GSAP: variants seen among roughly 807,000 people sequenced by gnomAD.
The protein encoded by GSAP is gamma-secretase activating protein.
In GSAP, 118 loss-of-function variants were observed where a neutral mutation model predicts 131.7. That is an observed-to-expected ratio of 0.90 (90% CI 0.77 to 1.04). The LOEUF (loss-of-function observed/expected upper bound fraction) is 1.04. GSAP is among the 50% of genes least tolerant of loss of function. GSAP has a pLI of 0.00. For synonymous variants in GSAP, 381 were observed against 363.4 expected, an observed-to-expected ratio of 1.05 and a Z score of -0.55; for missense variants, 1,019 against 1,013.2, an observed-to-expected ratio of 1.01 and a Z score of -0.08.
intron 19 of GSAP, among the ~76,000 whole-genome samples, chr7:77,338,829 TA>T (rs1158780393): frequency 6.6e-6 from 1 of 152,172 alleles, no homozygotes; most frequent in Non-Finnish European, 1.5e-5. Flanking sequence ...TGCAATTTAT[TA>T]AACATTTGTA....
chr7:77,325,349 C>G (rs1339872345), intron 23 of GSAP, among the ~76,000 whole-genome samples: 8 of 152,044 alleles, frequency 5.3e-5, no homozygotes, highest in African/African-American at 9.7e-5. Flanking sequence ...AAAATTAAAC[C>G]TAAACTAATA....
intron 19 of GSAP, among the ~76,000 whole-genome samples, chr7:77,347,601 G>C (rs1191978888): frequency 6.6e-6 from 1 of 152,088 alleles, no homozygotes; most frequent in Non-Finnish European, 1.5e-5. Context: ...AAAAGAAAAA[G>C]ACACTGCCAT....
At chr7:77,368,315 G>A (rs940352920) in intron 12 of GSAP, among the ~76,000 whole-genome samples, 1 of 151,952 alleles carries the variant, frequency 6.6e-6, no homozygotes, top group Non-Finnish European at 1.5e-5. Flanking sequence ...CTGTGAGAGT[G>A]GCACTTACGC....
Position 77,329,486 on chromosome 7 carries a change from G to C in GSAP, c.1675-95C>G, listed in dbSNP as rs1788773504. 9.1e-6 allele frequency: 5 copies of C among 549,424 alleles called. No individual in the cohort carries two copies. The Admixed American group carries it at 1.1e-4, about 12-fold the overall frequency. 34.0% of individuals were successfully genotyped at this position (549,424 alleles called of 1,614,324 possible). ...TAATGCAATACAGTTAAGAGCATCA[G>C]AGAGAAGAAATATACTTTCCAGGTA... On this transcript the variant is annotated intron_variant, in intron 20 of 30. Transcript: ENST00000257626.
chr7:77,370,252 G>A (rs1795922327), intron 12 of GSAP, among the ~76,000 whole-genome samples: 1 of 152,134 alleles, frequency 6.6e-6, no homozygotes, highest in African/African-American at 2.4e-5. Flanking sequence ...GAGGTCAGGA[G>A]TTCGAGACCA....
At chr7:77,338,682 T>A (rs1386155304) in intron 19 of GSAP, among the ~76,000 whole-genome samples, 3 of 152,328 alleles carry the variant, frequency 2.0e-5, no homozygotes, top group African/African-American at 7.2e-5. Context: ...ATGAGGGCAC[T>A]AATTGCAATC....
At chr7:77,315,952 A>G (rs1047045043) in intron 26 of GSAP, 3 of 152,248 alleles carry the variant, frequency 2.0e-5, no homozygotes, top group Non-Finnish European at 4.4e-5. Context: ...ATTACAAAAA[A>G]TAGACATTTT....
intron 28 of GSAP, 30 bp from the exon 29 acceptor site, chr7:77,312,232 A>AAT (rs10625038): frequency 0.41 from 443,332 of 1,083,598 alleles, 94,349 homozygotes; most frequent in African/African-American, 0.65. Context: ...AAATGTAGCG[A>AAT]ATACCACACA....
At chr7:77,331,856 C>T (rs1247950774) in intron 19 of GSAP, 2 of 146,996 alleles carry the variant, frequency 1.4e-5, no homozygotes, top group Non-Finnish European at 3.0e-5. Context: ...TGAACGTACA[C>T]TTATCCACCC....
At chr7:77,360,680 C>T in intron 14 of GSAP, 144 bp downstream of exon 14, 1 of 554,238 alleles carries the variant, frequency 1.8e-6, no homozygotes. Context: ...AATCTTCTCT[C>T]ATCAGATTTC....
intron 6 of GSAP, among the ~76,000 whole-genome samples, chr7:77,385,673 C>T (rs1454338451): frequency 2.6e-5 from 4 of 152,088 alleles, no homozygotes; most frequent in African/African-American, 7.2e-5. Flanking sequence ...TCAGGCCAGG[C>T]CATATCTGGA....
At chr7:77,415,668 C>T (rs1470113548) in intron 1 of GSAP, 2 of 152,174 alleles carry the variant, frequency 1.3e-5, no homozygotes, top group Non-Finnish European at 2.9e-5. Context: ...CGCCGAGGCC[C>T]ATGTCCCCTG....
Position 77,314,041 on chromosome 7 carries a change from T to A in GSAP, c.2209+329A>T, listed in dbSNP as rs73703325. Among the ~76,000 whole-genome samples the A allele has an allele frequency of 4.7e-3, 717 of 152,242 alleles. 3 individuals carry two copies. Among genetic ancestry groups the A allele is most frequent in the African/African-American group, 0.016 (666 of 41,526 alleles). ...AGTGCCCTCTTGCACAGAAAAGGAA[T>A]CTAATAGTTGTATGTGGATTGAAAA... On this transcript the variant is annotated intron_variant, in intron 27 of 30. Coordinates refer to ENST00000257626, the MANE Select transcript of GSAP (RefSeq NM_017439.4).
Position 77,406,062 on chromosome 7 carries a change from A to T in GSAP, c.153T>A (p.Val51=). ...NDYESLHVLN[V]ERNGNIIYTY... is the part of the protein sequence containing the mutation. ...TATAAATAATATTTCCATTTCTTTC[A>T]ACATTTAATACATGTAAGCTCTCAT... Residue 51 remains valine (V), a synonymous_variant, in exon 2 of 31, where the codon GTT becomes GTA. Coordinates refer to ENST00000257626, the MANE Select transcript of GSAP (RefSeq NM_017439.4). 1 of 1,110,418 alleles carries T rather than the reference A, an allele frequency of 9.0e-7. No individual in the cohort carries two copies. Among genetic ancestry groups the T allele is most frequent in the Non-Finnish European group, 1.2e-6 (1 of 815,876 alleles). 68.8% of individuals were successfully genotyped at this position (1,110,418 alleles called of 1,614,324 possible).
chr7:77,341,329 C>T (rs1348037574), intron 19 of GSAP, among the ~76,000 whole-genome samples: 4 of 152,126 alleles, frequency 2.6e-5, no homozygotes, highest in Admixed American at 2.0e-4. Flanking sequence ...CTCTCCCCTC[C>T]TCCCCAAGGC....
In GSAP at chr7:77,313,539, A is replaced by C; in HGVS notation, c.2220T>G (p.Asn740Lys). The change falls in exon 28 of 31, where the codon AAT becomes AAG. Residue 740 changes from asparagine to lysine, a missense_variant. By Grantham distance (94) the Asn-to-Lys change is moderately conservative (BLOSUM62 0). Transcript: ENST00000257626. ...AVIRLMKDLD[N>K]TEKNEKLKFS... Reference sequence around the variant, plus strand: ...ATTTCAGTTTTTCATTTTTCTCTGTATTATCCAGATCTACAAGAAAGTTAG... The same window carrying C: ...ATTTCAGTTTTTCATTTTTCTCTGTCTTATCCAGATCTACAAGAAAGTTAG... 6.6e-7 allele frequency: 1 copy of C among 1,519,862 alleles called. No individual in the cohort carries two copies. Among genetic ancestry groups the C allele is most frequent in the Non-Finnish European group, 9.1e-7 (1 of 1,096,474 alleles). The allele number at this position is 1,519,862 out of a possible 1,614,324, so 94.1% of individuals were successfully genotyped here.
At chr7:77,321,088 T>C (rs1362101619) in intron 25 of GSAP, among the ~76,000 whole-genome samples, 7 of 152,200 alleles carry the variant, frequency 4.6e-5, no homozygotes, top group South Asian at 4.1e-4. Context: ...TCACCAACCA[T>C]GTGCCAGGGA....
chr7:77,413,161 A>G (rs1232101952), intron 1 of GSAP, among the ~76,000 whole-genome samples: 7 of 152,196 alleles, frequency 4.6e-5, no homozygotes, highest in Non-Finnish European at 1.0e-4. Context: ...CACCCTTAAG[A>G]GGAAGGAGAA....
chr7:77,374,583 G>A (rs1214080112), intron 11 of GSAP, among the ~76,000 whole-genome samples: 6 of 150,928 alleles, frequency 4.0e-5, no homozygotes, highest in Non-Finnish European at 8.8e-5. Flanking sequence ...TCATGTTCCC[G>A]CTACATGTAA....
Sources: allele counts gnomAD v4.1 joint callset (sites outside exome capture counted in the v4.1 genomes callset), GRCh38; gene constraint gnomAD v4.1.1; transcripts MANE v1.5; gene names NCBI Gene and HGNC (gene_info 2026-07-23, HGNC 2026-07-21).